TCP11L2: variants seen among roughly 807,000 people sequenced by gnomAD.
TCP11L2 encodes T-complex protein 11-like protein 2.
In TCP11L2, 39 loss-of-function variants were observed where a neutral mutation model predicts 50.7. The ratio of observed to expected loss-of-function variants is 0.77; its 90% CI spans 0.60 to 1.01. The LOEUF is 1.01. Among genes scored for constraint, TCP11L2 ranks in the 50% least tolerant of loss-of-function variants. The pLI, the probability that TCP11L2 is intolerant of heterozygous loss-of-function variation, is 0.00. For synonymous variants in TCP11L2, 192 were observed against 219.3 expected, an observed-to-expected ratio of 0.88 and a Z score of 1.10; for missense variants, 612 against 614.7, an observed-to-expected ratio of 1.00 and a Z score of 0.05.
At chr12:106,318,678 G>A (rs775746399) in intron 4 of TCP11L2, among the ~76,000 whole-genome samples, 6 of 152,228 alleles carry the variant, frequency 3.9e-5, no homozygotes, top group Admixed American at 6.5e-5. Context: ...GTGTCTTCAC[G>A]TGGCAGAAAA....
At chr12:106,345,753 G>A (rs747456424) in intron 9 of TCP11L2, among the ~76,000 whole-genome samples, 1 of 152,046 alleles carries the variant, frequency 6.6e-6, no homozygotes, top group Non-Finnish European at 1.5e-5. Flanking sequence ...TCTGTGAGGC[G>A]ACCGGGTGGC....
chr12:106,316,242 C>T (rs905562838), intron 3 of TCP11L2, among the ~76,000 whole-genome samples: 1 of 103,006 alleles, frequency 9.7e-6, no homozygotes, highest in Non-Finnish European at 2.2e-5. Flanking sequence ...CCCAACAGTT[C>T]ATCTTCCATA....
At chr12:106,313,383 C>T (rs1452870771) in intron 2 of TCP11L2, among the ~76,000 whole-genome samples, 1 of 152,080 alleles carries the variant, frequency 6.6e-6, no homozygotes, top group Non-Finnish European at 1.5e-5. Context: ...GAGTTCGAGA[C>T]CAGCCTGGCC....
At chr12:106,326,856 CTT>C (rs2035565664) in intron 6 of TCP11L2, among the ~76,000 whole-genome samples, 1 of 152,182 alleles carries the variant, frequency 6.6e-6, no homozygotes, top group African/African-American at 2.4e-5. Context: ...AGTCAGATAA[CTT>C]TTAAGTTTTG....
At chr12:106,308,038 G>T (rs2034702237) in intron 1 of TCP11L2, among the ~76,000 whole-genome samples, 1 of 152,092 alleles carries the variant, frequency 6.6e-6, no homozygotes, top group African/African-American at 2.4e-5. Context: ...ATACACTAAG[G>T]CCCAGTTGTA....
At chr12:106,331,584 T>C (rs753459679) in intron 6 of TCP11L2, among the ~76,000 whole-genome samples, 21 of 152,238 alleles carry the variant, frequency 1.4e-4, no homozygotes, top group Non-Finnish European at 2.6e-4. Context: ...GAAACGGTTC[T>C]AAGTGTTTTG....
chr12:106,315,541 C>T (rs1474844889), intron 3 of TCP11L2, among the ~76,000 whole-genome samples: 2 of 152,230 alleles, frequency 1.3e-5, no homozygotes, highest in African/African-American at 4.8e-5. Context: ...TAGTGCCTGA[C>T]ATACAGTACA....
chr12:106,321,443 A>G (rs760277170), intron 4 of TCP11L2, 43 bp from the exon 5 acceptor site: 2 of 1,512,426 alleles, frequency 1.3e-6, no homozygotes, highest in African/African-American at 1.4e-5. Flanking sequence ...GACAGCTTTT[A>G]TTCACATCAT....
rs377149486 is a variant in TCP11L2 at position 106,346,469 on chromosome 12, G to A, written c.1499G>A (p.Arg500Gln). The change falls in exon 10 of 10, where the codon CGA becomes CAA. Residue 500 changes from arginine (R) to glutamine (Q), a missense_variant. Arg to Gln is a conservative substitution (Grantham distance 43). Coordinates refer to ENST00000299045, the MANE Select transcript of TCP11L2 (RefSeq NM_152772.3). ...GGACCATTTTATGCAAATATACTTC[G>A]AAAGCTGCTCTTCAATGAGGAAGCC... ...VYGPFYANIL[R>Q]KLLFNEEAMG... 18 of 1,613,948 alleles carry A rather than the reference G, an allele frequency of 1.1e-5. No individual in the cohort carries two copies. In the African/African-American group the frequency reaches 1.2e-4, roughly 11 times the overall value.
intron 8 of TCP11L2, 87 bp downstream of exon 8, chr12:106,336,300 A>G (rs2035919659): frequency 7.9e-7 from 1 of 1,267,082 alleles, no homozygotes; most frequent in Non-Finnish European, 1.1e-6. Context: ...GGACATCTGG[A>G]TGTGAGATTC....
chr12:106,323,747 TA>T (rs72143923), intron 6 of TCP11L2, 101 bp downstream of exon 6: 90,518 of 370,072 alleles, frequency 0.24, 14,177 homozygotes, highest in East Asian at 0.69. Flanking sequence ...ATTAAATTAA[TA>T]AATAAATAAA....
rs2035893346 is a variant in TCP11L2, at chr12:106,335,682, TGAA to T, written c.820_822del (p.Glu274del). 6.2e-7 allele frequency: 1 copy of T among 1,614,088 alleles called. No individual in the cohort carries two copies. The highest frequency in any genetic ancestry group is 1.3e-5 in the African/African-American group (1 of 74,936). On this transcript the variant is annotated inframe_deletion, in exon 7 of 10. Coordinates refer to ENST00000299045, the MANE Select transcript of TCP11L2 (RefSeq NM_152772.3). ...CAGAATGGATAAAAGAATCTGTAAA[TGAA>T]GAATTATTTTCTCTTTCTGAGAGTG...
intron 3 of TCP11L2, among the ~76,000 whole-genome samples, chr12:106,315,159 C>T (rs1013074632): frequency 2.0e-5 from 3 of 152,046 alleles, no homozygotes; most frequent in African/African-American, 7.3e-5. Context: ...TTGCGTGAAC[C>T]CAGGAGGTGG....
At chr12:106,323,311 A>G (rs746621948) in intron 5 of TCP11L2, among the ~76,000 whole-genome samples, 199 bp from the exon 6 acceptor site, 12 of 151,984 alleles carry the variant, frequency 7.9e-5, no homozygotes, top group South Asian at 2.1e-4. Context: ...TCAAGTAATT[A>G]CTCTTGAGAT....
chr12:106,341,942 T>C (rs1289352771), intron 9 of TCP11L2, among the ~76,000 whole-genome samples: 1 of 152,134 alleles, frequency 6.6e-6, no homozygotes, highest in Admixed American at 6.5e-5. Context: ...ATTCACCTCC[T>C]GGAGCCAAGG....
intron 1 of TCP11L2, among the ~76,000 whole-genome samples, chr12:106,304,557 AT>A (rs1565834174): frequency 6.6e-6 from 1 of 152,156 alleles, no homozygotes; most frequent in Non-Finnish European, 1.5e-5. Context: ...ATCATCTGCA[AT>A]TTTTTTCTTT....
upstream of TCP11L2, among the ~76,000 whole-genome samples, chr12:106,298,767 C>T (rs1176707706): frequency 6.6e-6 from 1 of 152,040 alleles, no homozygotes; most frequent in Non-Finnish European, 1.5e-5. Context: ...AAGTTATCCA[C>T]CTGCCTCGGC....
At chr12:106,325,297 G>A (rs1233692999) in intron 6 of TCP11L2, 2 of 152,310 alleles carry the variant, frequency 1.3e-5, no homozygotes, top group East Asian at 1.9e-4. Context: ...GGGAGTGAGT[G>A]TGGACTCTGA....
upstream of TCP11L2, chr12:106,302,090 TG>T (rs967073328): frequency 1.3e-4 from 20 of 152,308 alleles, no homozygotes; most frequent in African/African-American, 4.8e-4. Flanking sequence ...CCAGCAGCGT[TG>T]TTGGTTGGGT....
Sources: allele counts gnomAD v4.1 joint callset (sites outside exome capture counted in the v4.1 genomes callset), GRCh38; gene constraint gnomAD v4.1.1; transcripts MANE v1.5; gene names NCBI Gene and HGNC (gene_info 2026-07-23, HGNC 2026-07-21).